ZBBX: variants seen among roughly 807,000 people sequenced by gnomAD.
ZBBX encodes zinc finger B-box domain containing.
A neutral mutation model predicts 108.5 loss-of-function variants in ZBBX; 101 were observed. The observed-to-expected ratio is 0.93, with a 90% confidence interval of 0.79 to 1.10. ZBBX has a LOEUF of 1.10. ZBBX is among the 50% of genes least tolerant of loss of function. ZBBX has a pLI of 0.00. For missense variants in ZBBX, 1,009 were observed against 941.4 expected (o/e 1.07, Z -0.94); for synonymous variants, 356 against 323.4 (o/e 1.10, Z -1.08).
intron 16 of ZBBX, among the ~76,000 whole-genome samples, chr3:167,309,578 C>A (rs1734236362): frequency 6.6e-6 from 1 of 152,212 alleles, no homozygotes; most frequent in Non-Finnish European, 1.5e-5. Flanking sequence ...GGGCTTGCAC[C>A]CTCTGAATCC....
chr3:167,325,459 T>C (rs1737198536), intron 11 of ZBBX, among the ~76,000 whole-genome samples: 1 of 152,088 alleles, frequency 6.6e-6, no homozygotes, highest in Non-Finnish European at 1.5e-5. Flanking sequence ...CCCACTCCCA[T>C]GATTCAATTA....
At position 167,372,916 on chromosome 3, in the gene ZBBX, T is replaced by C; in HGVS notation, c.-15A>G. 6.3e-7 allele frequency: 1 copy of C among 1,577,760 alleles called. No individual in the cohort carries two copies. The highest frequency in any genetic ancestry group is 8.6e-7 in the Non-Finnish European group (1 of 1,164,790). On this transcript the variant is annotated 5_prime_UTR_variant, in exon 4 of 22. The change creates a new upstream start codon in the 5' untranslated region. Coordinates refer to ENST00000675490, the MANE Select transcript of ZBBX (RefSeq NM_001199201.2). ...TTTCTGTTCATGATTACCACCTTAATATTGTCTAAAAGTTATTCTGATTTG... is the reference window on the plus strand; with the variant it reads ...TTTCTGTTCATGATTACCACCTTAACATTGTCTAAAAGTTATTCTGATTTG...
chr3:167,225,856 T>C, the ZBBX span, among the ~76,000 whole-genome samples: 1 of 151,732 alleles, frequency 6.6e-6, no homozygotes. Context: ...TTGAGGTGGT[T>C]TATTACTAAG....
chr3:167,317,958 A>G (rs1276498987), intron 12 of ZBBX, among the ~76,000 whole-genome samples: 1 of 152,050 alleles, frequency 6.6e-6, no homozygotes, highest in Admixed American at 6.6e-5. Flanking sequence ...TTTAGTTCAC[A>G]GTCTTGGCAT....
chr3:167,300,327 G>C (rs1269729568), intron 17 of ZBBX, among the ~76,000 whole-genome samples: 1 of 151,636 alleles, frequency 6.6e-6, no homozygotes, highest in Non-Finnish European at 1.5e-5. Context: ...TTTTATTACT[G>C]TCCAGGACTA....
In ZBBX at chr3:167,242,538, T is replaced by C; in HGVS notation, c.2360A>G (p.His787Arg). Residue 787 changes from histidine (H) to arginine (R), a missense_variant, in exon 21 of 22, where the codon CAT (histidine) becomes CGT (arginine). His to Arg is a conservative substitution (Grantham distance 29). Transcript: ENST00000675490. ...CTCAACTCCACAGGGACCCCTCACA[T>C]GTGAGGTCTTAAGGAAATCTGTGGA... ...QISTDFLKTS[H>R]VRGPCGVEEL... 1 of 1,613,256 alleles carries C rather than the reference T, an allele frequency of 6.2e-7. No homozygotes were observed. Among genetic ancestry groups the C allele is most frequent in the Non-Finnish European group, 8.5e-7 (1 of 1,179,624 alleles).
the ZBBX span, among the ~76,000 whole-genome samples, chr3:167,217,968 C>T: frequency 4.7e-5 from 7 of 149,576 alleles, no homozygotes; most frequent in Admixed American, 4.7e-4. Flanking sequence ...TGGTCTCAAT[C>T]TCTTGACCTT....
intron 10 of ZBBX, 55 bp downstream of exon 10, chr3:167,333,772 C>T: frequency 7.1e-7 from 1 of 1,403,820 alleles, no homozygotes; most frequent in South Asian, 1.7e-5. Flanking sequence ...ACATGAATGG[C>T]ACCTGCCATA....
At chr3:167,389,378 C>T (rs878897716) in intron 1 of ZBBX, among the ~76,000 whole-genome samples, 2 of 152,032 alleles carry the variant, frequency 1.3e-5, no homozygotes, top group South Asian at 2.1e-4. Flanking sequence ...CAGTCTATCA[C>T]TGATGGGCAT....
chr3:167,404,541 C>T (rs532061873), intron 1 of ZBBX, among the ~76,000 whole-genome samples: 1 of 151,868 alleles, frequency 6.6e-6, no homozygotes, highest in South Asian at 2.1e-4. Context: ...CTCTCCCACT[C>T]TCCCCCTTTC....
At chr3:167,270,334 G>A (rs146454360) in intron 20 of ZBBX, among the ~76,000 whole-genome samples, 562 of 152,228 alleles carry the variant, frequency 3.7e-3, no homozygotes, top group Non-Finnish European at 4.4e-3. Flanking sequence ...GGATACTGCC[G>A]CTTATGGATT....
At position 167,298,399 on chromosome 3, in the gene ZBBX, C is replaced by T; in HGVS notation, c.1785G>A (p.Glu595=). The T allele has an allele frequency of 6.3e-7, 1 of 1,593,808 alleles. No homozygotes were observed. The highest frequency in any genetic ancestry group is 1.1e-5 in the South Asian group (1 of 87,228). ...CATTTGTATCAAAAATAAAGAATCT[C>T]TCAAGTCCTTGATATTGTTTTGTTA... ...KPITKQYQGL[E]RFFIFDTNER... Residue 595 remains glutamate (E), a synonymous_variant, in exon 18 of 22, where the codon GAG becomes GAA. Transcript: ENST00000675490.
intron 11 of ZBBX, among the ~76,000 whole-genome samples, chr3:167,323,095 G>C (rs534073978): frequency 3.9e-5 from 6 of 152,066 alleles, no homozygotes; most frequent in African/African-American, 1.4e-4. Flanking sequence ...ATTGGAAAAA[G>C]TTTGGGAAAA....
intron 17 of ZBBX, among the ~76,000 whole-genome samples, chr3:167,305,274 A>C (rs1354909454): frequency 2.0e-5 from 3 of 152,100 alleles, no homozygotes; most frequent in African/African-American, 7.2e-5. Flanking sequence ...CATTTATTTC[A>C]TTTTGACCAT....
Position 167,254,900 on chromosome 3 carries a change from G to GAATGAGAGAGAGAGAGAGAA in ZBBX, c.2255-12277_2255-12258dup, listed in dbSNP as rs1723216111. Among the ~76,000 whole-genome samples, 3 of 152,042 alleles carry GAATGAGAGAGAGAGAGAGAA rather than the reference G, an allele frequency of 2.0e-5. No homozygotes were observed. The East Asian group carries it at 5.8e-4, about 29-fold the overall frequency. ...TGTGTGTGTGTGTGAGAGAGAGAGA[G>GAATGAGAGAGAGAGAGAGAA]AATGAGAGAGAGAGAGAGAAAGGGA... On this transcript the variant is annotated intron_variant, in intron 20 of 21. Coordinates refer to ENST00000675490, the MANE Select transcript of ZBBX (RefSeq NM_001199201.2).
At chr3:167,267,841 C>T (rs540261912) in intron 20 of ZBBX, among the ~76,000 whole-genome samples, 13 of 152,266 alleles carry the variant, frequency 8.5e-5, no homozygotes, top group South Asian at 6.2e-4. Context: ...AGGACTCCAG[C>T]GCATGGGATC....
chr3:167,194,474 C>T, the ZBBX span, among the ~76,000 whole-genome samples: 1 of 152,078 alleles, frequency 6.6e-6, no homozygotes, highest in African/African-American at 2.4e-5. Flanking sequence ...GTTAACTCCC[C>T]AAACTATTTC....
intron 11 of ZBBX, among the ~76,000 whole-genome samples, chr3:167,327,265 A>C (rs2108356970): frequency 6.6e-6 from 1 of 152,278 alleles, no homozygotes; most frequent in African/African-American, 2.4e-5. Flanking sequence ...ATTCTAAAAA[A>C]AAAAAATTCC....
rs1450761183 is a variant in ZBBX at position 167,280,627 on chromosome 3, G to T, written c.2254+1611C>A. Among the ~76,000 whole-genome samples, 9 of 150,970 alleles carry T rather than the reference G, an allele frequency of 6.0e-5. No homozygotes were observed. In the East Asian group the frequency reaches 1.8e-3, roughly 30 times the overall value. Reference sequence around the variant, plus strand: ...CAACAGGTGCTAGAGAGGATGTGGAGAAATAGGAACACTTTTACACTGTTG... The same window carrying T: ...CAACAGGTGCTAGAGAGGATGTGGATAAATAGGAACACTTTTACACTGTTG... On this transcript the variant is annotated intron_variant, in intron 20 of 21. Coordinates refer to ENST00000675490, the MANE Select transcript of ZBBX (RefSeq NM_001199201.2).
Sources: gnomAD v4.1 joint callset for allele counts (sites outside exome capture counted in the v4.1 genomes callset) on GRCh38, gnomAD v4.1.1 for gene constraint, MANE v1.5 for transcripts, NCBI Gene and HGNC (gene_info 2026-07-23, HGNC 2026-07-21) for gene names.